The following SLC10A7 variants were observed in gnomAD, a reference collection of about 807,000 sequenced individuals.
SLC10A7 encodes the protein sodium/bile acid cotransporter 7.
Under a neutral mutation model 43.2 loss-of-function variants are expected in SLC10A7, and 29 were observed. That is an observed-to-expected ratio of 0.67 (90% CI 0.50 to 0.92). SLC10A7 has a LOEUF of 0.92. SLC10A7 is among the 40% of genes least tolerant of loss of function. The probability of loss-of-function intolerance (pLI) is 0.00; values close to 1 mark genes in which losing one functional copy is unlikely to be tolerated. For missense variants in SLC10A7, 295 were observed against 403.2 expected, an observed-to-expected ratio of 0.73 and a Z score of 2.30; for synonymous variants, 152 against 144.8, an observed-to-expected ratio of 1.05 and a Z score of -0.35.
At chr4:146,371,135 G>T (rs1257720525) in intron 5 of SLC10A7, among the ~76,000 whole-genome samples, 1 of 152,136 alleles carries the variant, frequency 6.6e-6, no homozygotes, top group African/African-American at 2.4e-5. Flanking sequence ...CTTACAATGT[G>T]ATATGTACTC....
chr4:146,404,664 C>T (rs1042971573), intron 5 of SLC10A7, among the ~76,000 whole-genome samples: 23 of 151,896 alleles, frequency 1.5e-4, no homozygotes, highest in African/African-American at 5.3e-4. Context: ...AGAGACAGGC[C>T]CTGCTATGTT....
intron 6 of SLC10A7, among the ~76,000 whole-genome samples, chr4:146,321,680 T>C (rs1732720056): frequency 6.6e-6 from 1 of 152,094 alleles, no homozygotes; most frequent in Admixed American, 6.6e-5. Context: ...CAAGTGATCC[T>C]CACACCTTTG....
intron 5 of SLC10A7, among the ~76,000 whole-genome samples, chr4:146,338,007 TG>T (rs1734007437): frequency 6.6e-6 from 1 of 152,012 alleles, no homozygotes; most frequent in Non-Finnish European, 1.5e-5. Flanking sequence ...GTAACATGGA[TG>T]TTTTTTCCCA....
At chr4:146,411,787 T>G (rs1323288318) in intron 5 of SLC10A7, among the ~76,000 whole-genome samples, 2 of 152,164 alleles carry the variant, frequency 1.3e-5, no homozygotes, top group African/African-American at 4.8e-5. Context: ...CTATAGGTGA[T>G]CTGTTTCTTG....
intron 4 of SLC10A7, among the ~76,000 whole-genome samples, chr4:146,491,699 GGAAGGAA>G (rs1735446736): frequency 7.8e-6 from 1 of 128,298 alleles, no homozygotes; most frequent in South Asian, 3.6e-4. Context: ...AAGGAAGGAA[GGAAGGAA>G]GGAAGGAAGG....
chr4:146,516,496 A>G (rs1373466775), intron 2 of SLC10A7, among the ~76,000 whole-genome samples: 2 of 149,236 alleles, frequency 1.3e-5, no homozygotes, highest in East Asian at 2.0e-4. Context: ...ATACACATAT[A>G]CATATACACA....
At chr4:146,359,581 G>A (rs1286867007) in intron 5 of SLC10A7, among the ~76,000 whole-genome samples, 1 of 151,882 alleles carries the variant, frequency 6.6e-6, no homozygotes, top group Non-Finnish European at 1.5e-5. Context: ...GGTGTTAAGG[G>A]GTGACAGTAA....
chr4:146,381,049 T>C (rs1330107394), intron 5 of SLC10A7, among the ~76,000 whole-genome samples: 1 of 152,112 alleles, frequency 6.6e-6, no homozygotes, highest in Non-Finnish European at 1.5e-5. Context: ...AAGGGACAGA[T>C]CCAGGTTTTG....
At chr4:146,400,039 T>C (rs1260531423) in intron 5 of SLC10A7, among the ~76,000 whole-genome samples, 1 of 152,130 alleles carries the variant, frequency 6.6e-6, no homozygotes, top group Non-Finnish European at 1.5e-5. Flanking sequence ...TGAGACCCTC[T>C]AACATTTAGA....
chr4:146,336,899 G>A (rs1014609782), intron 5 of SLC10A7, among the ~76,000 whole-genome samples: 9 of 152,038 alleles, frequency 5.9e-5, no homozygotes, highest in African/African-American at 2.2e-4. Context: ...AGTGATATAT[G>A]TTAAAGATGA....
chr4:146,377,858 T>A (rs1287783617), intron 5 of SLC10A7, among the ~76,000 whole-genome samples: 2 of 152,138 alleles, frequency 1.3e-5, no homozygotes, highest in Non-Finnish European at 2.9e-5. Flanking sequence ...ATAAAAAAAA[T>A]ACTTTAAAAT....
chr4:146,334,675 CA>C (rs1411630791), intron 5 of SLC10A7, among the ~76,000 whole-genome samples: 3 of 152,024 alleles, frequency 2.0e-5, no homozygotes, highest in Admixed American at 1.3e-4. Context: ...ACTAAAGAGG[CA>C]GCAGGGAAGG....
chr4:146,267,261 G>T (rs961236743), intron 10 of SLC10A7, among the ~76,000 whole-genome samples: 3 of 152,176 alleles, frequency 2.0e-5, no homozygotes, highest in African/African-American at 7.2e-5. Flanking sequence ...TGACTTGCCT[G>T]TGAGATCAGT....
chr4:146,302,703 G>C (rs1731243120), intron 7 of SLC10A7, among the ~76,000 whole-genome samples: 1 of 152,148 alleles, frequency 6.6e-6, no homozygotes, highest in Non-Finnish European at 1.5e-5. Flanking sequence ...TAGGAAATCT[G>C]GCAGAGGTCA....
intron 5 of SLC10A7, among the ~76,000 whole-genome samples, chr4:146,332,395 G>A (rs188681251): frequency 6.6e-6 from 1 of 152,324 alleles, no homozygotes; most frequent in African/African-American, 2.4e-5. Context: ...AATGTTGGTG[G>A]TGGAGCCTAG....
chr4:146,392,481 A>G (rs970156361), intron 5 of SLC10A7, among the ~76,000 whole-genome samples: 3 of 152,090 alleles, frequency 2.0e-5, no homozygotes, highest in Non-Finnish European at 4.4e-5. Context: ...ATATATTTTT[A>G]TGTTTATATA....
chr4:146,382,503 A>G (rs1737700821), intron 5 of SLC10A7, among the ~76,000 whole-genome samples: 1 of 152,122 alleles, frequency 6.6e-6, no homozygotes, highest in South Asian at 2.1e-4. Flanking sequence ...TTGGCACTCA[A>G]TGAGTGAATT....
chr4:146,404,476 A>ATGTGTGTG (rs34519773), intron 5 of SLC10A7, among the ~76,000 whole-genome samples: 3,963 of 141,520 alleles, frequency 0.028, 62 homozygotes, highest in Middle Eastern at 0.05. Context: ...CTGCTCATTT[A>ATGTGTGTG]TGTGTGTGTG....
intron 4 of SLC10A7, among the ~76,000 whole-genome samples, chr4:146,497,558 C>T (rs1365404719): frequency 1.3e-5 from 2 of 152,146 alleles, no homozygotes; most frequent in Non-Finnish European, 2.9e-5. Flanking sequence ...GCTTCATATT[C>T]ACTTCACATT....
Sources: gnomAD v4.1 joint callset for allele counts (sites outside exome capture counted in the v4.1 genomes callset) on GRCh38, gnomAD v4.1.1 for gene constraint, MANE v1.5 for transcripts, NCBI Gene and HGNC (gene_info 2026-07-23, HGNC 2026-07-21) for gene names.